DLGAP2: variants seen among roughly 807,000 people sequenced by gnomAD.
The protein encoded by DLGAP2 is disks large-associated protein 2.
DLGAP2 carries 26 observed loss-of-function variants against 100.3 expected under a neutral mutation model. The observed-to-expected ratio is 0.26, with a 90% CI of 0.19 to 0.36. The LOEUF is 0.36. Ranked by LOEUF, DLGAP2 falls within the 10% of genes least tolerant of loss-of-function variation. DLGAP2 has a pLI of 1.00. For missense variants in DLGAP2, 1,858 were observed against 1,453.2 expected (o/e 1.28, Z -4.53); for synonymous variants, 886 against 630.1 (o/e 1.41, Z -6.08).
intron 1 of DLGAP2, among the ~76,000 whole-genome samples, chr8:855,595 C>T (rs1797262369): frequency 6.6e-6 from 1 of 152,142 alleles, no homozygotes; most frequent in Non-Finnish European, 1.5e-5. Context: ...GCTGTAAGTT[C>T]CCACGTAAGC....
At chr8:1,644,175 T>C (rs1797984461) in intron 8 of DLGAP2, among the ~76,000 whole-genome samples, 1 of 151,994 alleles carries the variant, frequency 6.6e-6, no homozygotes, top group Admixed American at 6.5e-5. Flanking sequence ...CCTGGGTGCC[T>C]CCTCAGCCTC....
chr8:1,062,407 G>C (rs541238224), intron 2 of DLGAP2, among the ~76,000 whole-genome samples: 3 of 152,316 alleles, frequency 2.0e-5, no homozygotes, highest in Non-Finnish European at 2.9e-5. Flanking sequence ...GCTTCCCTGA[G>C]TGTAGGTCTC....
At chr8:1,562,241 T>C (rs1377658044) in intron 5 of DLGAP2, among the ~76,000 whole-genome samples, 1 of 18,322 alleles carries the variant, frequency 5.5e-5, no homozygotes, top group Non-Finnish European at 9.7e-5. Flanking sequence ...TTGGGGTGTC[T>C]GCGCCTCGTT....
At chr8:1,572,670 T>A (rs1264265498) in intron 6 of DLGAP2, among the ~76,000 whole-genome samples, 13 of 101,610 alleles carry the variant, frequency 1.3e-4, no homozygotes, top group South Asian at 4.1e-4. Flanking sequence ...GGGCATCTTC[T>A]GGGATGGAGA....
chr8:1,164,057 G>A (rs992149777), intron 2 of DLGAP2, among the ~76,000 whole-genome samples: 1 of 151,304 alleles, frequency 6.6e-6, no homozygotes, highest in Non-Finnish European at 1.5e-5. Context: ...CGGTCCTTAA[G>A]GCTGACGCTG....
intron 4 of DLGAP2, among the ~76,000 whole-genome samples, chr8:1,522,615 A>T (rs1362968870): frequency 6.6e-6 from 1 of 152,180 alleles, no homozygotes; most frequent in Non-Finnish European, 1.5e-5. Flanking sequence ...TGGCCATTGC[A>T]AGGATTTAAG....
chr8:1,592,727 C>G (rs999966124), intron 6 of DLGAP2, among the ~76,000 whole-genome samples: 14 of 152,154 alleles, frequency 9.2e-5, no homozygotes, highest in African/African-American at 3.1e-4. Context: ...GTTTTCTCTA[C>G]TTCCTGATTA....
intron 2 of DLGAP2, among the ~76,000 whole-genome samples, chr8:1,190,348 G>C (rs1194937729): frequency 1.3e-5 from 2 of 152,162 alleles, no homozygotes; most frequent in African/African-American, 4.8e-5. Context: ...GTGATGCTGA[G>C]GCCTGTGTTA....
chr8:1,201,818 G>A (rs190379307), intron 2 of DLGAP2, among the ~76,000 whole-genome samples: 6 of 152,138 alleles, frequency 3.9e-5, no homozygotes, highest in African/African-American at 9.7e-5. Flanking sequence ...ACGTGTGTGC[G>A]GTGTAGGTGC....
In DLGAP2 at chr8:1,304,838, C is replaced by T. The variant is rs182627950; in HGVS notation, c.106+45955C>T. 1.2e-4 allele frequency among the ~76,000 whole-genome samples: 18 copies of T among 152,314 alleles called. No individual in the cohort carries two copies. In the East Asian group the frequency reaches 3.5e-3, roughly 29 times the overall value. On this transcript the variant is annotated intron_variant, in intron 3 of 14. Transcript: ENST00000637795. ...ATTATAATAAATGCTAAACACCCTTCAATACTGCACAGGATAAGCTGAAAA... is the reference window on the plus strand; with the variant it reads ...ATTATAATAAATGCTAAACACCCTTTAATACTGCACAGGATAAGCTGAAAA...
At chr8:1,594,803 A>G (rs1796399797) in intron 6 of DLGAP2, among the ~76,000 whole-genome samples, 1 of 152,156 alleles carries the variant, frequency 6.6e-6, no homozygotes, top group Non-Finnish European at 1.5e-5. Context: ...AAAGTTAAAC[A>G]TTTTAAAAGT....
At chr8:1,117,064 A>T (rs923929241) in intron 2 of DLGAP2, among the ~76,000 whole-genome samples, 3 of 152,228 alleles carry the variant, frequency 2.0e-5, no homozygotes, top group Admixed American at 6.5e-5. Context: ...CCAAAGCTTT[A>T]TGGGTTTTTA....
chr8:1,664,617 C>G lies in DLGAP2; in HGVS notation c.1811-3712C>G, dbSNP rs1399216157. Among the ~76,000 whole-genome samples the G allele has an allele frequency of 3.9e-5, 6 of 152,286 alleles. No homozygotes were observed. The East Asian group carries it at 1.2e-3, about 29-fold the overall frequency. On this transcript the variant is annotated intron_variant, in intron 8 of 14. Transcript: ENST00000637795. ...GGAAGAAAGCCCAGGGTCTTCAGCC[C>G]CCTTATCAATGGTCTCTGGAAAACC...
chr8:1,205,896 T>C (rs1049486634), intron 2 of DLGAP2, among the ~76,000 whole-genome samples: 4 of 152,144 alleles, frequency 2.6e-5, no homozygotes, highest in Non-Finnish European at 5.9e-5. Context: ...CACCTGTCTG[T>C]GATCGCAGCT....
chr8:1,545,567 C>G (rs908552191), intron 4 of DLGAP2, among the ~76,000 whole-genome samples: 1 of 152,186 alleles, frequency 6.6e-6, no homozygotes, highest in Non-Finnish European at 1.5e-5. Context: ...AAAGAAATTA[C>G]CAGCCCCTAA....
intron 1 of DLGAP2, among the ~76,000 whole-genome samples, chr8:788,983 C>G (rs1189682310): frequency 6.6e-6 from 1 of 152,228 alleles, no homozygotes; most frequent in South Asian, 2.1e-4. Context: ...CTATTTGCCA[C>G]CCGTCTCTCT....
At chr8:1,187,882 G>A (rs1407375278) in intron 2 of DLGAP2, among the ~76,000 whole-genome samples, 2 of 123,138 alleles carry the variant, frequency 1.6e-5, no homozygotes, top group African/African-American at 4.5e-5. Flanking sequence ...TTTGCCTCAC[G>A]GAATCTCACA....
chr8:1,492,486 T>A (rs1799416541), intron 3 of DLGAP2, among the ~76,000 whole-genome samples: 1 of 152,230 alleles, frequency 6.6e-6, no homozygotes, highest in Admixed American at 6.5e-5. Context: ...AGAGGGCTGC[T>A]TCTGCTGAGC....
At chr8:1,390,964 A>G (rs757888) in intron 3 of DLGAP2, among the ~76,000 whole-genome samples, 115,995 of 152,174 alleles carry the variant, frequency 0.76, 44,529 homozygotes, top group African/African-American at 0.85. Flanking sequence ...GAAATCAGAA[A>G]GACCCAGGGT....
Sources: gnomAD v4.1 joint callset for allele counts (sites outside exome capture counted in the v4.1 genomes callset) on GRCh38, gnomAD v4.1.1 for gene constraint, MANE v1.5 for transcripts, NCBI Gene and HGNC (gene_info 2026-07-23, HGNC 2026-07-21) for gene names.